Variants in KLHDC4 observed in about 807,000 individuals in gnomAD.
KLHDC4 encodes kelch domain-containing protein 4.
In KLHDC4, 90 loss-of-function variants were observed where a neutral mutation model predicts 62.4. The ratio of observed to expected loss-of-function variants is 1.44; its 90% CI spans 1.22 to 1.72. KLHDC4 has a LOEUF of 1.72. Among genes scored for constraint, KLHDC4 ranks in the 40% most tolerant of loss-of-function variants. KLHDC4 has a pLI of 0.00. For missense variants in KLHDC4, 1,025 were observed against 699.7 expected, an observed-to-expected ratio of 1.47 and a Z score of -5.25; for synonymous variants, 386 against 284.4, an observed-to-expected ratio of 1.36 and a Z score of -3.59.
intron 8 of KLHDC4, among the ~76,000 whole-genome samples, chr16:87,713,945 G>A (rs1329507645): frequency 6.6e-6 from 1 of 152,024 alleles, no homozygotes; most frequent in Admixed American, 6.6e-5. Context: ...CAGAGGCCAC[G>A]GCCGTTCTTG....
In KLHDC4 at chr16:87,709,371, A is replaced by G. The variant is rs141807379; in HGVS notation, c.1341T>C (p.Tyr447=). The G allele has an allele frequency of 8.8e-3, 14,228 of 1,613,410 alleles. 84 individuals carry two copies. The highest frequency in any genetic ancestry group is 0.011 in the Non-Finnish European group (13,243 of 1,179,914). Residue 447 remains tyrosine (Y), a synonymous_variant, in exon 10 of 12, where the codon TAT becomes TAC. Coordinates refer to ENST00000270583, the MANE Select transcript of KLHDC4 (RefSeq NM_017566.4). Reference sequence around the variant, plus strand: ...GGTCGCCGGCCTCAAACATGCCCCCATAGACGTAGAGCACCCCATGCTTCA... The same window carrying G: ...GGTCGCCGGCCTCAAACATGCCCCCGTAGACGTAGAGCACCCCATGCTTCA... ...LAVKHGVLYV[Y]GGMFEAGDRQ...
intron 5 of KLHDC4, 71 bp downstream of exon 5, chr16:87,748,602 G>T: frequency 1.3e-6 from 2 of 1,588,018 alleles, no homozygotes; most frequent in Non-Finnish European, 1.7e-6. Context: ...GGTCTGCTCC[G>T]AGCACTCGGG....
intron 8 of KLHDC4, 49 bp downstream of exon 8, chr16:87,714,449 G>T (rs368961074): frequency 6.6e-7 from 1 of 1,520,612 alleles, no homozygotes; most frequent in Non-Finnish European, 8.9e-7. Context: ...TCTGCCTCCC[G>T]CCACACACAG....
chr16:87,750,058 C>T (rs2043682501), intron 4 of KLHDC4, among the ~76,000 whole-genome samples: 1 of 152,160 alleles, frequency 6.6e-6, no homozygotes, highest in South Asian at 2.1e-4. Flanking sequence ...CAGACACCAC[C>T]GGCTACTCCA....
At chr16:87,707,340 T>C (rs150224460), downstream of KLHDC4, among the ~76,000 whole-genome samples, 1 of 152,146 alleles carries the variant, frequency 6.6e-6, no homozygotes, top group Non-Finnish European at 1.5e-5. Context: ...CAAATGCTAA[T>C]CCTAAACCCT....
intron 5 of KLHDC4, among the ~76,000 whole-genome samples, chr16:87,731,548 G>A (rs2040374463): frequency 6.6e-6 from 1 of 152,026 alleles, no homozygotes; most frequent in Non-Finnish European, 1.5e-5. Context: ...AGTCCACAGT[G>A]ACTTCCTACC....
At chr16:87,713,300 C>T (rs1036528414) in intron 8 of KLHDC4, among the ~76,000 whole-genome samples, 1 of 151,846 alleles carries the variant, frequency 6.6e-6, no homozygotes, top group Non-Finnish European at 1.5e-5. Context: ...CCGAGGTTCA[C>T]GCCATTCTCC....
intron 2 of KLHDC4, among the ~76,000 whole-genome samples, chr16:87,760,434 C>T (rs1383218241): frequency 3.3e-5 from 5 of 150,796 alleles, no homozygotes; most frequent in Non-Finnish European, 7.4e-5. Context: ...GGTGAAACCC[C>T]GTCTCTACTA....
intron 4 of KLHDC4, among the ~76,000 whole-genome samples, chr16:87,752,826 C>A (rs764733542): frequency 2.0e-5 from 3 of 152,180 alleles, no homozygotes; most frequent in Non-Finnish European, 4.4e-5. Context: ...CTACGGAGAC[C>A]CACAGATAAA....
intron 4 of KLHDC4, chr16:87,751,085 T>C (rs1011804619): frequency 1.3e-5 from 2 of 152,244 alleles, no homozygotes; most frequent in Non-Finnish European, 2.9e-5. Flanking sequence ...GACTATTCAA[T>C]GCCACAGAAT....
At chr16:87,700,395 C>T (rs1388511231) in exon 1 of KLHDC4, 1 of 156,290 alleles carries the variant, frequency 6.4e-6, no homozygotes, top group East Asian at 1.9e-4. Flanking sequence ...CCTGCAGTAC[C>T]TTTAACCTCG....
chr16:87,736,104 C>T (rs570343247), intron 5 of KLHDC4, among the ~76,000 whole-genome samples: 2 of 152,302 alleles, frequency 1.3e-5, no homozygotes, highest in South Asian at 2.1e-4. Flanking sequence ...CATCATTAGG[C>T]GACCTTGTCA....
intron 9 of KLHDC4, 149 bp from the exon 10 acceptor site, chr16:87,709,816 C>G (rs892004881): frequency 6.6e-6 from 6 of 914,116 alleles, no homozygotes; most frequent in Non-Finnish European, 9.6e-6. Context: ...CCTGACTGCC[C>G]TGGGTGCAGG....
intron 7 of KLHDC4, among the ~76,000 whole-genome samples, chr16:87,715,486 C>T (rs1169465172): frequency 2.0e-5 from 3 of 152,138 alleles, no homozygotes; most frequent in African/African-American, 7.2e-5. Flanking sequence ...CCAGGGATCC[C>T]GTCGAGGGTC....
chr16:87,727,814 TCTC>T (rs1053210063), intron 6 of KLHDC4, among the ~76,000 whole-genome samples: 30 of 152,290 alleles, frequency 2.0e-4, no homozygotes, highest in African/African-American at 6.7e-4. Context: ...TGCCCGGTTT[TCTC>T]CTGTTTGTTC....
At chr16:87,717,954 C>T (rs2037332891) in intron 7 of KLHDC4, among the ~76,000 whole-genome samples, 1 of 152,186 alleles carries the variant, frequency 6.6e-6, no homozygotes, top group Non-Finnish European at 1.5e-5. Context: ...CCAGACCATG[C>T]AAGCCAGAGA....
intron 4 of KLHDC4, among the ~76,000 whole-genome samples, chr16:87,754,684 G>C (rs549510909): frequency 5.6e-4 from 85 of 152,306 alleles, no homozygotes; most frequent in Admixed American, 9.2e-4. Context: ...AGAGCTTACA[G>C]AACGTCTAAC....
At chr16:87,765,222 AAGG>A (rs2046460734) in intron 1 of KLHDC4, 3 of 456,064 alleles carry the variant, frequency 6.6e-6, no homozygotes, top group African/African-American at 6.0e-5. Flanking sequence ...GACCAGAGGG[AAGG>A]AGACAACCGT....
chr16:87,765,430 G>A (rs911495000), intron 1 of KLHDC4: 7 of 494,554 alleles, frequency 1.4e-5, no homozygotes, highest in Admixed American at 4.6e-5. Context: ...TCAACCTCAG[G>A]TCTTCCTGTG....
Sources: allele counts gnomAD v4.1 joint callset (sites outside exome capture counted in the v4.1 genomes callset), GRCh38; gene constraint gnomAD v4.1.1; transcripts MANE v1.5; gene names NCBI Gene and HGNC (gene_info 2026-07-23, HGNC 2026-07-21).